ASPH: variants seen among roughly 807,000 people sequenced by gnomAD.
ASPH encodes aspartyl/asparaginyl beta-hydroxylase.
A neutral mutation model predicts 118.4 loss-of-function variants in ASPH; 100 were observed. The observed-to-expected ratio is 0.84, with a 90% CI of 0.72 to 1.00. The LOEUF is 1.00. Ranked by LOEUF, ASPH falls within the 50% of genes least tolerant of loss-of-function variation. The probability of loss-of-function intolerance (pLI) is 0.00; values close to 1 mark genes in which losing one functional copy is unlikely to be tolerated. For missense variants in ASPH, 920 were observed against 919.5 expected (o/e 1.00, Z -0.01); for synonymous variants, 315 against 325.6 (o/e 0.97, Z 0.35).
intron 5 of ASPH, among the ~76,000 whole-genome samples, chr8:61,648,261 T>A (rs972688521): frequency 6.6e-6 from 1 of 152,220 alleles, no homozygotes; most frequent in African/African-American, 2.4e-5. Flanking sequence ...TCATTTGTAC[T>A]GCTACTGAAT....
chr8:61,593,440 T>C (rs1286492838), intron 14 of ASPH, among the ~76,000 whole-genome samples: 4 of 152,206 alleles, frequency 2.6e-5, no homozygotes, highest in Non-Finnish European at 5.9e-5. Context: ...ATCAACTATA[T>C]ACCAGCAGGA....
intron 17 of ASPH, among the ~76,000 whole-genome samples, chr8:61,563,192 C>T (rs571415077): frequency 9.2e-5 from 3 of 32,730 alleles, no homozygotes; most frequent in South Asian, 2.2e-3. Context: ...AACAATTCCT[C>T]GTTAAAAAAA....
chr8:61,596,722 T>C (rs1162437502), intron 14 of ASPH, among the ~76,000 whole-genome samples: 1 of 152,260 alleles, frequency 6.6e-6, no homozygotes. Flanking sequence ...ACCAGCATTA[T>C]AGATACTTCT....
intron 10 of ASPH, among the ~76,000 whole-genome samples, chr8:61,642,221 A>G (rs1805468339): frequency 6.6e-6 from 1 of 152,234 alleles, no homozygotes; most frequent in Non-Finnish European, 1.5e-5. Context: ...CAAATCAGTC[A>G]TCTTTGAGAG....
chr8:61,562,864 G>GGAACCT lies in ASPH; in HGVS notation c.1311_1316dup (p.Gly438_Ser439dup). On this transcript the variant is annotated inframe_insertion, in exon 18 of 25. Transcript: ENST00000379454. ...GAACTAATCTCTGCAGGGTAAGCAG[G>GGAACCT]GAACCTCTCATATGACCTGAGTAGG... The GGAACCT allele has an allele frequency of 6.2e-7, 1 of 1,602,846 alleles. No homozygotes were observed.
At chr8:61,670,045 T>A (rs1821614781) in intron 3 of ASPH, among the ~76,000 whole-genome samples, 2 of 152,162 alleles carry the variant, frequency 1.3e-5, no homozygotes, top group Non-Finnish European at 2.9e-5. Flanking sequence ...TATGCTTTTC[T>A]GAACTTAAAA....
rs150747172 is a variant in ASPH at position 61,518,248 on chromosome 8, A to C, written c.1901-125T>G. The C allele has an allele frequency of 2.0e-4, 154 of 761,586 alleles. No individual in the cohort carries two copies. The African/African-American group carries it at 2.6e-3, about 13-fold the overall frequency. 47.2% of individuals were successfully genotyped at this position (761,586 alleles called of 1,614,324 possible). ...ATGAGAAGATTGAGTAAACATGAGAAGATGAAGTAGGAATGCAAAAGGCTT... is the reference window on the plus strand; with the variant it reads ...ATGAGAAGATTGAGTAAACATGAGACGATGAAGTAGGAATGCAAAAGGCTT... On this transcript the variant is annotated intron_variant, in intron 22 of 24. Transcript: ENST00000379454.
At chr8:61,700,326 C>T (rs1031958675) in intron 1 of ASPH, among the ~76,000 whole-genome samples, 3 of 152,214 alleles carry the variant, frequency 2.0e-5, no homozygotes, top group African/African-American at 7.2e-5. Flanking sequence ...GGAAAGCACA[C>T]TCACTCCTTC....
At position 61,568,560 on chromosome 8, in the gene ASPH, C is replaced by T. The variant is rs555743961; in HGVS notation, c.1150-1242G>A. On this transcript the variant is annotated intron_variant, in intron 16 of 24. Coordinates refer to ENST00000379454, the MANE Select transcript of ASPH (RefSeq NM_004318.4). ...TCTATAAGATATCCAAATGGAGTTA[C>T]TGACCAGGAAGGGGCATATATGAGT... Among the ~76,000 whole-genome samples the T allele has an allele frequency of 3.9e-5, 6 of 152,214 alleles. No individual in the cohort carries two copies. In the South Asian group the frequency reaches 1.0e-3, roughly 26 times the overall value.
chr8:61,611,604 G>A (rs1847393091), intron 14 of ASPH, among the ~76,000 whole-genome samples: 1 of 152,180 alleles, frequency 6.6e-6, no homozygotes, highest in Admixed American at 6.5e-5. Flanking sequence ...AAGTTCTACT[G>A]GCTTGAGGTG....
chr8:61,706,925 A>G (rs1002555465), intron 1 of ASPH, among the ~76,000 whole-genome samples: 1 of 152,228 alleles, frequency 6.6e-6, no homozygotes, highest in Non-Finnish European at 1.5e-5. Flanking sequence ...TTTTTAAAAA[A>G]CAATACTGAA....
intron 14 of ASPH, among the ~76,000 whole-genome samples, chr8:61,614,905 C>T (rs7839264): frequency 1.2e-4 from 19 of 152,160 alleles, no homozygotes; most frequent in Non-Finnish European, 5.9e-5. Flanking sequence ...TACTCTACAT[C>T]GTAATCCTGG....
chr8:61,587,924 G>A (rs150219906), intron 14 of ASPH, among the ~76,000 whole-genome samples: 4 of 152,236 alleles, frequency 2.6e-5, no homozygotes, highest in South Asian at 2.1e-4. Flanking sequence ...GGACCCTGGC[G>A]AACTCTCTCC....
intron 3 of ASPH, among the ~76,000 whole-genome samples, chr8:61,674,555 A>G (rs543464177): frequency 1.1e-3 from 160 of 152,314 alleles, no homozygotes; most frequent in Non-Finnish European, 1.7e-3. Context: ...ATCCACATCC[A>G]AAAGTAGCTA....
intron 21 of ASPH, 38 bp from the exon 22 acceptor site, chr8:61,526,150 G>C (rs1815231711): frequency 5.0e-6 from 8 of 1,611,942 alleles, no homozygotes; most frequent in Non-Finnish European, 5.9e-6. Context: ...ACTGAAAAAG[G>C]GCCTGGTGGA....
chr8:61,681,269 T>A (rs1051550531), intron 2 of ASPH, among the ~76,000 whole-genome samples: 35 of 151,778 alleles, frequency 2.3e-4, no homozygotes, highest in Non-Finnish European at 5.9e-5. Context: ...GAAATAAAAC[T>A]GACACAGCAT....
intron 1 of ASPH, among the ~76,000 whole-genome samples, chr8:61,696,528 T>C (rs1476258447): frequency 6.6e-6 from 1 of 152,016 alleles, no homozygotes; most frequent in East Asian, 1.9e-4. Context: ...ACACCACTGA[T>C]AAGAAGATAA....
chr8:61,512,643 C>T (rs933427344), intron 24 of ASPH, among the ~76,000 whole-genome samples: 1 of 152,170 alleles, frequency 6.6e-6, no homozygotes, highest in African/African-American at 2.4e-5. Context: ...TAAATGTCAG[C>T]CTCAGGCAAG....
rs762357243 is a variant in ASPH at position 61,500,927 on chromosome 8, C to CTTAA, written c.*2428_*2431dup. On this transcript the variant is annotated 3_prime_UTR_variant, in exon 25 of 25. Coordinates refer to ENST00000379454, the MANE Select transcript of ASPH (RefSeq NM_004318.4). ...CACCCCTGATAATATTATTACTAATCTTAATTATTTATTACATCATCTCTT... is the reference window on the plus strand; with the variant it reads ...CACCCCTGATAATATTATTACTAATCTTAATTAATTATTTATTACATCATCTCTT... The CTTAA allele has an allele frequency of 6.6e-6, 1 of 152,024 alleles. No homozygotes were observed. The highest frequency in any genetic ancestry group is 1.5e-5 in the Non-Finnish European group (1 of 68,012). 9.4% of individuals were successfully genotyped at this position (152,024 alleles called of 1,614,324 possible). A position where few individuals can be genotyped will look rare whatever the true frequency, so the allele number is the denominator to read the frequency against.
Sources: gnomAD v4.1 joint callset for allele counts (sites outside exome capture counted in the v4.1 genomes callset) on GRCh38, gnomAD v4.1.1 for gene constraint, MANE v1.5 for transcripts, NCBI Gene and HGNC (gene_info 2026-07-23, HGNC 2026-07-21) for gene names.